TMEM117: variants seen among roughly 807,000 people sequenced by gnomAD.
The protein encoded by TMEM117 is transmembrane protein 117.
TMEM117 carries 27 observed loss-of-function variants against 52.4 expected under a neutral mutation model. That is an observed-to-expected ratio of 0.51 (90% confidence interval 0.38 to 0.71). The LOEUF (loss-of-function observed/expected upper bound fraction) is 0.71. Among genes scored for constraint, TMEM117 ranks in the 30% least tolerant of loss-of-function variants. The probability of loss-of-function intolerance (pLI) is 0.00; values close to 1 mark genes in which losing one functional copy is unlikely to be tolerated. For missense variants in TMEM117, 556 were observed against 630.5 expected, an observed-to-expected ratio of 0.88 and a Z score of 1.26; for synonymous variants, 215 against 206.3, an observed-to-expected ratio of 1.04 and a Z score of -0.36.
intron 3 of TMEM117, among the ~76,000 whole-genome samples, chr12:43,992,981 A>T (rs1489783107): frequency 6.6e-6 from 1 of 152,202 alleles, no homozygotes; most frequent in Non-Finnish European, 1.5e-5. Flanking sequence ...TATATATTGA[A>T]TGAATAACAA....
chr12:43,800,587 C>T, the TMEM117 span: 1 of 1,335,980 alleles, frequency 7.5e-7, no homozygotes, highest in East Asian at 2.3e-5. Flanking sequence ...ATTACAAAAG[C>T]AAGCACATTC....
intron 2 of TMEM117, among the ~76,000 whole-genome samples, chr12:43,859,312 G>A (rs1943449304): frequency 6.6e-6 from 1 of 152,150 alleles, no homozygotes; most frequent in Admixed American, 6.6e-5. Context: ...TGTAGAGTGT[G>A]AACAGGCCAG....
At chr12:44,369,213 C>A (rs1384056297) in intron 6 of TMEM117, among the ~76,000 whole-genome samples, 1 of 152,164 alleles carries the variant, frequency 6.6e-6, no homozygotes. Context: ...TCCTTCATCA[C>A]ATCAGTCTGC....
At chr12:44,182,807 G>A (rs1427086910) in intron 4 of TMEM117, among the ~76,000 whole-genome samples, 1 of 152,098 alleles carries the variant, frequency 6.6e-6, no homozygotes, top group Admixed American at 6.6e-5. Flanking sequence ...AGTGTGATGA[G>A]TCGGTCAGTA....
intron 3 of TMEM117, among the ~76,000 whole-genome samples, chr12:44,134,074 T>C (rs1187046158): frequency 6.6e-6 from 1 of 152,218 alleles, no homozygotes; most frequent in Non-Finnish European, 1.5e-5. Flanking sequence ...GCTCCCTTTA[T>C]ATTAGCTAGT....
downstream of TMEM117, among the ~76,000 whole-genome samples, chr12:44,390,590 GAAC>G (rs1040031224): frequency 1.3e-5 from 2 of 151,628 alleles, no homozygotes; most frequent in Admixed American, 6.6e-5. Context: ...AACAAACTTA[GAAC>G]AACATGTTTA....
At chr12:43,913,856 T>A (rs1368649380) in intron 2 of TMEM117, among the ~76,000 whole-genome samples, 1 of 152,176 alleles carries the variant, frequency 6.6e-6, no homozygotes, top group East Asian at 1.9e-4. Flanking sequence ...TAAATTTATG[T>A]TTACAGAGAA....
chr12:44,158,326 C>G (rs1948854696), intron 4 of TMEM117, among the ~76,000 whole-genome samples: 1 of 152,124 alleles, frequency 6.6e-6, no homozygotes, highest in African/African-American at 2.4e-5. Context: ...ATCATAAAGG[C>G]AAGTGCAGAT....
chr12:43,995,597 G>A (rs1335035419), intron 3 of TMEM117, among the ~76,000 whole-genome samples: 1 of 152,134 alleles, frequency 6.6e-6, no homozygotes, highest in Non-Finnish European at 1.5e-5. Flanking sequence ...AAAGTTCTTA[G>A]TGGTGATTTC....
At chr12:44,151,215 G>C (rs1335242451) in intron 4 of TMEM117, among the ~76,000 whole-genome samples, 1 of 151,718 alleles carries the variant, frequency 6.6e-6, no homozygotes, top group Admixed American at 6.6e-5. Flanking sequence ...CTTAGTTTCA[G>C]CTTCTTCCAA....
chr12:44,187,738 G>C (rs1312569172), intron 4 of TMEM117, among the ~76,000 whole-genome samples: 1 of 152,072 alleles, frequency 6.6e-6, no homozygotes, highest in Non-Finnish European at 1.5e-5. Context: ...TTGGCCACCA[G>C]TATTTGTTTT....
chr12:43,845,459 T>TAA (rs1565715978), intron 2 of TMEM117, among the ~76,000 whole-genome samples: 2 of 41,924 alleles, frequency 4.8e-5, no homozygotes, highest in African/African-American at 4.0e-4. Flanking sequence ...CGACTCCATC[T>TAA]CAAAAAAAAA....
intron 2 of TMEM117, among the ~76,000 whole-genome samples, chr12:43,936,752 A>C (rs1038420573): frequency 2.0e-5 from 3 of 152,188 alleles, no homozygotes; most frequent in African/African-American, 7.2e-5. Flanking sequence ...GTTAAAGACC[A>C]ATATATTTAT....
At chr12:44,190,453 T>C (rs572167686) in intron 4 of TMEM117, among the ~76,000 whole-genome samples, 102 of 152,268 alleles carry the variant, frequency 6.7e-4, no homozygotes, top group Admixed American at 1.2e-3. Context: ...GGCAACTGTG[T>C]GCCAGGAGCA....
the TMEM117 span, among the ~76,000 whole-genome samples, chr12:44,395,227 A>T: frequency 6.6e-6 from 1 of 152,332 alleles, no homozygotes; most frequent in South Asian, 2.1e-4. Flanking sequence ...AACATGTTGA[A>T]CTTCAAATAC....
At chr12:43,948,243 A>G (rs919300538) in intron 3 of TMEM117, among the ~76,000 whole-genome samples, 11 of 152,066 alleles carry the variant, frequency 7.2e-5, no homozygotes, top group African/African-American at 2.4e-4. Flanking sequence ...CTTGTCTCAA[A>G]TTTGACTCTC....
At chr12:43,883,701 T>C (rs140353171) in intron 2 of TMEM117, among the ~76,000 whole-genome samples, 3 of 151,178 alleles carry the variant, frequency 2.0e-5, no homozygotes, top group Non-Finnish European at 2.9e-5. Context: ...AGTAAAAATG[T>C]GAAAAACGTT....
chr12:44,051,286 T>C (rs1269355456), intron 3 of TMEM117, among the ~76,000 whole-genome samples: 1 of 152,128 alleles, frequency 6.6e-6, no homozygotes, highest in African/African-American at 2.4e-5. Context: ...CATGGTAATT[T>C]GATGTGAGAG....
In TMEM117 at chr12:44,361,779, G is replaced by GTATT. The variant is rs1951724494; in HGVS notation, c.769-14815_769-14814insATTT. Among the ~76,000 whole-genome samples, 5 of 152,088 alleles carry GTATT rather than the reference G, an allele frequency of 3.3e-5. No homozygotes were observed. The South Asian group carries it at 1.0e-3, about 32-fold the overall frequency. ...GGTACTAGGAAAATAGTCAAGAAGA[G>GTATT]TTACATACACAAAAAAAAATTGTGC... On this transcript the variant is annotated intron_variant, in intron 6 of 7. Transcript: ENST00000266534.
Sources: allele counts gnomAD v4.1 joint callset (sites outside exome capture counted in the v4.1 genomes callset), GRCh38; gene constraint gnomAD v4.1.1; transcripts MANE v1.5; gene names NCBI Gene and HGNC (gene_info 2026-07-23, HGNC 2026-07-21).